Variants in HCN1 observed in about 807,000 individuals in gnomAD.
The protein encoded by HCN1 is hyperpolarization activated cyclic nucleotide gated potassium channel 1.
HCN1 carries 13 observed loss-of-function variants against 78.9 expected under a neutral mutation model. That is an observed-to-expected ratio of 0.16 (90% CI 0.11 to 0.26). The LOEUF is 0.26. Ranked by LOEUF, HCN1 falls within the 10% of genes least tolerant of loss-of-function variation. The pLI, the probability that HCN1 is intolerant of heterozygous loss-of-function variation, is 1.00. For synonymous variants in HCN1, 552 were observed against 455.5 expected (o/e 1.21, Z -2.70); for missense variants, 810 against 1,154.3 (o/e 0.70, Z 4.32).
At chr5:45,345,955 A>C (rs543426110) in intron 5 of HCN1, among the ~76,000 whole-genome samples, 7 of 152,382 alleles carry the variant, frequency 4.6e-5, no homozygotes, top group Non-Finnish European at 1.0e-4. Flanking sequence ...TAAAGGAAAG[A>C]GGTTTATTTG....
At chr5:45,567,648 G>A (rs1242603132) in intron 2 of HCN1, among the ~76,000 whole-genome samples, 4 of 143,884 alleles carry the variant, frequency 2.8e-5, no homozygotes, top group African/African-American at 1.0e-4. Context: ...GAAAAACATA[G>A]CTTTTAGATT....
In HCN1 at chr5:45,300,194, T is replaced by C. The variant is rs1480025648; in HGVS notation, c.1618+3405A>G. Among the ~76,000 whole-genome samples, 3 of 152,062 alleles carry C rather than the reference T, an allele frequency of 2.0e-5. No homozygotes were observed. In the South Asian group the frequency reaches 6.2e-4, roughly 31 times the overall value. On this transcript the variant is annotated intron_variant, in intron 6 of 7. Transcript: ENST00000303230. ...AACACTTCAAAAAATTCTTTTTAAATGTTTCTTCTACATATTCATCAAATC... is the reference window on the plus strand; with the variant it reads ...AACACTTCAAAAAATTCTTTTTAAACGTTTCTTCTACATATTCATCAAATC...
intron 6 of HCN1, among the ~76,000 whole-genome samples, chr5:45,270,549 C>G (rs1404457315): frequency 6.6e-6 from 1 of 152,148 alleles, no homozygotes; most frequent in African/African-American, 2.4e-5. Flanking sequence ...AAACATGTCC[C>G]TTTGTCTCGT....
At chr5:45,350,052 C>A (rs1013947696) in intron 5 of HCN1, among the ~76,000 whole-genome samples, 47 of 152,216 alleles carry the variant, frequency 3.1e-4, no homozygotes, top group Non-Finnish European at 5.0e-4. Flanking sequence ...GATACCAAAG[C>A]TGGGCAGACA....
chr5:45,399,505 G>A (rs370312796), intron 3 of HCN1, among the ~76,000 whole-genome samples: 1 of 152,100 alleles, frequency 6.6e-6, no homozygotes, highest in African/African-American at 2.4e-5. Flanking sequence ...CAACTTCAAG[G>A]TCACATATCA....
chr5:45,375,149 T>A (rs1179463300), intron 4 of HCN1, among the ~76,000 whole-genome samples: 1 of 121,612 alleles, frequency 8.2e-6, no homozygotes, highest in Non-Finnish European at 1.6e-5. Context: ...TAATATATAA[T>A]GTATTATATA....
chr5:45,667,412 T>A (rs192195744), intron 1 of HCN1, among the ~76,000 whole-genome samples: 2 of 152,028 alleles, frequency 1.3e-5, no homozygotes, highest in Admixed American at 1.3e-4. Flanking sequence ...TATATCAGAC[T>A]TAAAAAAAAT....
rs561650741 is a variant in HCN1, at chr5:45,468,996, T to C, written c.850-6989A>G. ...CATTTTTCTTCAAATTTCAAGTCAATACCAGCTGACAACTTGGAATAGGTC... is the reference window on the plus strand; with the variant it reads ...CATTTTTCTTCAAATTTCAAGTCAACACCAGCTGACAACTTGGAATAGGTC... On this transcript the variant is annotated intron_variant, in intron 2 of 7. Transcript: ENST00000303230. Among the ~76,000 whole-genome samples, 13 of 152,076 alleles carry C rather than the reference T, an allele frequency of 8.5e-5. No homozygotes were observed. In the South Asian group the frequency reaches 1.5e-3, roughly 17 times the overall value.
intron 2 of HCN1, among the ~76,000 whole-genome samples, chr5:45,531,991 G>A (rs1742861626): frequency 6.6e-6 from 1 of 152,156 alleles, no homozygotes. Flanking sequence ...AGAGAGCCGA[G>A]ATCGCACCAC....
chr5:45,597,311 C>G (rs954238866), intron 2 of HCN1, among the ~76,000 whole-genome samples: 2 of 152,060 alleles, frequency 1.3e-5, no homozygotes, highest in Non-Finnish European at 2.9e-5. Context: ...GATCCAAAGA[C>G]AAAAAACACA....
At chr5:45,367,989 CCAATAGGTTACTGGATCTTGA>C (rs1317454592) in intron 4 of HCN1, among the ~76,000 whole-genome samples, 1 of 151,810 alleles carries the variant, frequency 6.6e-6, no homozygotes, top group Non-Finnish European at 1.5e-5. Context: ...AAGAAATGGA[CCAATAGGTTACTGGATCTTGA>C]CTGTAGATGA....
chr5:45,333,410 T>G (rs765297454), intron 5 of HCN1, among the ~76,000 whole-genome samples: 1 of 151,854 alleles, frequency 6.6e-6, no homozygotes, highest in African/African-American at 2.4e-5. Context: ...GATGGGTGTG[T>G]TGCAAATATT....
intron 5 of HCN1, among the ~76,000 whole-genome samples, chr5:45,350,034 A>G (rs1351539024): frequency 1.3e-5 from 2 of 152,204 alleles, no homozygotes. Flanking sequence ...TGAGGACAGC[A>G]TCATCCTGAT....
At chr5:45,682,872 A>G (rs1371784785) in intron 1 of HCN1, among the ~76,000 whole-genome samples, 1 of 152,158 alleles carries the variant, frequency 6.6e-6, no homozygotes, top group Non-Finnish European at 1.5e-5. Flanking sequence ...ATTATGAAAA[A>G]TACCACAGGA....
intron 2 of HCN1, among the ~76,000 whole-genome samples, chr5:45,470,363 T>C (rs1273367377): frequency 2.0e-5 from 3 of 151,998 alleles, no homozygotes; most frequent in African/African-American, 7.2e-5. Flanking sequence ...TCCATTTGAT[T>C]GAACTTATTA....
chr5:45,677,040 T>A (rs539389030), intron 1 of HCN1, among the ~76,000 whole-genome samples: 1 of 151,930 alleles, frequency 6.6e-6, no homozygotes, highest in African/African-American at 2.4e-5. Flanking sequence ...TTCAGTTCTG[T>A]CTTCACAGAT....
At chr5:45,589,142 A>G (rs1292483825) in intron 2 of HCN1, among the ~76,000 whole-genome samples, 1 of 152,206 alleles carries the variant, frequency 6.6e-6, no homozygotes, top group Non-Finnish European at 1.5e-5. Context: ...CTCTAGTGTA[A>G]CAGCAGCAAT....
chr5:45,404,234 T>C (rs1158422476), intron 3 of HCN1, among the ~76,000 whole-genome samples: 1 of 152,166 alleles, frequency 6.6e-6, no homozygotes, highest in East Asian at 1.9e-4. Flanking sequence ...TATTTTAGTG[T>C]ACATTACTAA....
At chr5:45,338,515 T>A (rs537634006) in intron 5 of HCN1, among the ~76,000 whole-genome samples, 24 of 152,166 alleles carry the variant, frequency 1.6e-4, no homozygotes, top group African/African-American at 4.3e-4. Context: ...AAAATACATA[T>A]CAAATAATTG....
Sources: allele counts gnomAD v4.1 joint callset (sites outside exome capture counted in the v4.1 genomes callset), GRCh38; gene constraint gnomAD v4.1.1; transcripts MANE v1.5; gene names NCBI Gene and HGNC (gene_info 2026-07-23, HGNC 2026-07-21).